The following ETFRF1 variants were observed in gnomAD, a reference collection of about 807,000 sequenced individuals.
ETFRF1 encodes the protein electron transfer flavoprotein regulatory factor 1, also known as LYR motif containing 5.
In ETFRF1, 12 loss-of-function variants were observed where a neutral mutation model predicts 9.0. That is an observed-to-expected ratio of 1.34 (90% CI 0.86 to 2.16). ETFRF1 has a LOEUF of 2.16. Ranked by LOEUF, ETFRF1 falls within the 30% of genes most tolerant of loss-of-function variation. ETFRF1 has a pLI of 0.00. For missense variants in ETFRF1, 98 were observed against 101.8 expected (o/e 0.96, Z 0.16); for synonymous variants, 34 against 33.2 (o/e 1.02, Z -0.08).
rs1951100280 is a variant in ETFRF1 at position 25,203,963 on chromosome 12, A to G, written c.7A>G (p.Met3Val). 1 of 1,469,588 alleles carries G rather than the reference A, an allele frequency of 6.8e-7. No individual in the cohort carries two copies. The allele number at this position is 1,469,588 out of a possible 1,614,324, so 91.0% of individuals were successfully genotyped here. ...TGGATAATTTACATGATAAATGAAA[A>G]TGGCCAATTCTTTAAGAGGAGAAGT... MK[M>V]ANSLRGEVLK... Residue 3 changes from methionine to valine, a missense_variant, in exon 2 of 3, where the codon ATG becomes GTG. Physicochemically the swap from Met to Val is conservative, Grantham distance 21 (BLOSUM62 1). Coordinates refer to ENST00000381356, the MANE Select transcript of ETFRF1 (RefSeq NM_001001660.3).
chr12:25,196,105 T>G (rs1950995201), intron 1 of ETFRF1: 1 of 152,220 alleles, frequency 6.6e-6, no homozygotes, highest in African/African-American at 2.4e-5. Context: ...CATGCATTAT[T>G]CATAGATAAG....
intron 1 of ETFRF1, among the ~76,000 whole-genome samples, chr12:25,197,713 C>T (rs775851711): frequency 2.0e-4 from 30 of 152,252 alleles, no homozygotes; most frequent in Non-Finnish European, 3.8e-4. Context: ...TCAAGCCATC[C>T]TCCAGCCCTG....
In ETFRF1 at chr12:25,202,063, CAAAAAA is replaced by C. The variant is rs149050811; in HGVS notation, c.-37-1842_-37-1837del. 2.3e-4 allele frequency among the ~76,000 whole-genome samples: 12 copies of C among 52,814 alleles called. 1 individual carries two copies. The highest frequency in any genetic ancestry group is 2.1e-3 in the Admixed American group (6 of 2,864). The allele number at this position is 52,814 out of a possible 152,430, so 34.6% of individuals were successfully genotyped here. A position where few individuals can be genotyped will look rare whatever the true frequency, so the allele number is the denominator to read the frequency against. Reference sequence around the variant, plus strand: ...GTGAAACCCCGTCTCTACTGAAATACAAAAAAAAAAAAAAAAAAAATTAGCCAGGCG... The same window carrying C: ...GTGAAACCCCGTCTCTACTGAAATACAAAAAAAAAAAAAATTAGCCAGGCG... On this transcript the variant is annotated intron_variant, in intron 1 of 2. Transcript: ENST00000381356.
chr12:25,204,196 A>G lies in ETFRF1; in HGVS notation c.157A>G (p.Lys53Glu), dbSNP rs1294342116. Reference protein sequence around the residue: ...NKDVKNPEKIKELIAQGEFVM... With the variant: ...NKDVKNPEKIEELIAQGEFVM... ...AGATGTGAAGAATCCAGAGAAGATC[A>G]AAGAACTTATTGCACAGGGCGAATT... The change falls in exon 3 of 3, where the codon AAA (lysine) becomes GAA (glutamate). Residue 53 changes from lysine to glutamate, a missense_variant. Physicochemically the swap from Lys to Glu is moderately conservative, Grantham distance 56. Transcript: ENST00000381356. 2 of 1,613,204 alleles carry G rather than the reference A, an allele frequency of 1.2e-6. No homozygotes were observed. Among genetic ancestry groups the G allele is most frequent in the African/African-American group, 2.7e-5 (2 of 74,918 alleles).
At chr12:25,202,146 A>G (rs889311382) in intron 1 of ETFRF1, among the ~76,000 whole-genome samples, 1 of 150,686 alleles carries the variant, frequency 6.6e-6, no homozygotes, top group Non-Finnish European at 1.5e-5. Context: ...AGGCAGGGGA[A>G]TTGCTTGAAC....
At chr12:25,198,519 G>A (rs903437115) in intron 1 of ETFRF1, among the ~76,000 whole-genome samples, 5 of 152,106 alleles carry the variant, frequency 3.3e-5, no homozygotes, top group African/African-American at 1.2e-4. Context: ...AAGCTCAGAA[G>A]TGATAGAGAC....
intron 1 of ETFRF1, among the ~76,000 whole-genome samples, chr12:25,203,466 G>A (rs4963857): frequency 0.078 from 11,875 of 152,258 alleles, 716 homozygotes; most frequent in Non-Finnish European, 0.11. Context: ...TCAGGCTTCT[G>A]CTCAATGTCC....
At position 25,204,090 on chromosome 12, in the gene ETFRF1, G is replaced by T. The variant is rs868079056; in HGVS notation, c.52-1G>T. ...GAAATATATAATCTTTCTTTTTGAAGCTGCTGTATCTTGGACGAGACTATC... is the reference window on the plus strand; with the variant it reads ...GAAATATATAATCTTTCTTTTTGAATCTGCTGTATCTTGGACGAGACTATC... On this transcript the variant is annotated splice_acceptor_variant, in intron 2 of 2. Transcript: ENST00000381356. LOFTEE classifies it high-confidence loss of function. The T allele has an allele frequency of 1.9e-6, 3 of 1,572,410 alleles. No homozygotes were observed. The highest frequency in any genetic ancestry group is 2.6e-6 in the Non-Finnish European group (3 of 1,157,280).
At position 25,204,258 on chromosome 12, in the gene ETFRF1, G is replaced by GAAAT. The variant is rs1565875680; in HGVS notation, c.221_224dup (p.Tyr75Ter). The GAAAT allele has an allele frequency of 1.9e-6, 3 of 1,603,584 alleles. No individual in the cohort carries two copies. In the South Asian group the frequency reaches 3.4e-5, roughly 18 times the overall value. On this transcript the variant is annotated frameshift_variant, in exon 3 of 3. Coordinates refer to ENST00000381356, the MANE Select transcript of ETFRF1 (RefSeq NM_001001660.3). ...AGCTAGAAGCTTTGTACTTCCTTAG[G>GAAAT]AAATACAGAGCTATGAAACAACGCT...
chr12:25,195,553 T>TGGGA (rs143484067), intron 1 of ETFRF1: 25,222 of 222,710 alleles, frequency 0.11, 1,956 homozygotes, highest in Admixed American at 0.16. Flanking sequence ...GGACACCCGG[T>TGGGA]GGGAGGCCTG....
intron 1 of ETFRF1, among the ~76,000 whole-genome samples, chr12:25,197,016 C>T (rs185109445): frequency 4.6e-4 from 70 of 152,086 alleles, no homozygotes; most frequent in Non-Finnish European, 7.9e-4. Flanking sequence ...ATTAGCCGGG[C>T]GTGGTGATCA....
In ETFRF1 at chr12:25,202,063, C is replaced by CAA. The variant is rs149050811; in HGVS notation, c.-37-1838_-37-1837dup. ...GTGAAACCCCGTCTCTACTGAAATA[C>CAA]AAAAAAAAAAAAAAAAAAAATTAGC... On this transcript the variant is annotated intron_variant, in intron 1 of 2. Coordinates refer to ENST00000381356, the MANE Select transcript of ETFRF1 (RefSeq NM_001001660.3). Among the ~76,000 whole-genome samples the CAA allele has an allele frequency of 1.5e-3, 80 of 52,812 alleles. 6 individuals are homozygous for CAA. The highest frequency in any genetic ancestry group is 3.2e-3 in the East Asian group (5 of 1,550). 34.6% of individuals were successfully genotyped at this position (52,812 alleles called of 152,430 possible).
Position 25,204,948 on chromosome 12 carries a change from A to AGGT in ETFRF1, c.*636_*637insGGT, listed in dbSNP as rs1338403308. The AGGT allele has an allele frequency of 4.9e-6, 1 of 203,398 alleles. No homozygotes were observed. Among genetic ancestry groups the AGGT allele is most frequent in the Non-Finnish European group, 1.0e-5 (1 of 98,688 alleles). The allele number at this position is 203,398 out of a possible 1,614,324, so 12.6% of individuals were successfully genotyped here. On this transcript the variant is annotated 3_prime_UTR_variant, in exon 3 of 3. Coordinates refer to ENST00000381356, the MANE Select transcript of ETFRF1 (RefSeq NM_001001660.3). ...TGCTGCTGCTACCTTTGGGCCTAAAACCAAGTCACCTGTTGTGTATCAATT... is the reference window on the plus strand; with the variant it reads ...TGCTGCTGCTACCTTTGGGCCTAAAAGGTCCAAGTCACCTGTTGTGTATCAATT...
At chr12:25,195,821 T>C (rs1255791126) in intron 1 of ETFRF1, 1 of 152,348 alleles carries the variant, frequency 6.6e-6, no homozygotes, top group Non-Finnish European at 1.5e-5. Flanking sequence ...CTCATTAGTT[T>C]CCCGAGGTCA....
intron 1 of ETFRF1, among the ~76,000 whole-genome samples, chr12:25,202,818 C>A (rs1046825555): frequency 6.6e-6 from 1 of 151,918 alleles, no homozygotes; most frequent in Non-Finnish European, 1.5e-5. Flanking sequence ...GAAAATAAAC[C>A]CTGTAGTATT....
chr12:25,197,069 G>A (rs1565873169), intron 1 of ETFRF1, among the ~76,000 whole-genome samples: 1 of 151,756 alleles, frequency 6.6e-6, no homozygotes, highest in Non-Finnish European at 1.5e-5. Context: ...GACGGGAATC[G>A]CTTGAACCCG....
intron 1 of ETFRF1, among the ~76,000 whole-genome samples, chr12:25,198,331 A>G (rs1951047203): frequency 6.6e-6 from 1 of 152,180 alleles, no homozygotes; most frequent in Non-Finnish European, 1.5e-5. Context: ...GGAACTGACC[A>G]GCCCAGGAGG....
intron 1 of ETFRF1, 133 bp from the exon 2 acceptor site, chr12:25,203,787 G>A (rs766555970): frequency 1.3e-5 from 7 of 519,364 alleles, no homozygotes; most frequent in African/African-American, 4.0e-5. Flanking sequence ...ATCCCAGTAC[G>A]TGGAACGAAA....
At chr12:25,195,669 G>C (rs1950979925) in intron 1 of ETFRF1, 1 of 158,376 alleles carries the variant, frequency 6.3e-6, no homozygotes, top group Non-Finnish European at 1.4e-5. Context: ...AATGACCTTC[G>C]GATTCTTCTT....
Sources: allele counts gnomAD v4.1 joint callset (sites outside exome capture counted in the v4.1 genomes callset), GRCh38; gene constraint gnomAD v4.1.1; transcripts MANE v1.5; gene names NCBI Gene and HGNC (gene_info 2026-07-23, HGNC 2026-07-21).